Variants in ABLIM1 observed in about 807,000 individuals in gnomAD.
ABLIM1 encodes the protein actin-binding LIM protein 1.
In ABLIM1, 40 loss-of-function variants were observed where a neutral mutation model predicts 107.0. The observed-to-expected ratio is 0.37, with a 90% confidence interval of 0.29 to 0.49. The LOEUF is 0.49. ABLIM1 is among the 20% of genes least tolerant of loss of function. The pLI, the probability that ABLIM1 is intolerant of heterozygous loss-of-function variation, is 0.97. For synonymous variants in ABLIM1, 357 were observed against 357.3 expected (o/e 1.00, Z 0.01); for missense variants, 857 against 1,008.5 (o/e 0.85, Z 2.04).
Position 114,436,100 on chromosome 10 carries a change from C to T in ABLIM1, c.*160G>A, listed in dbSNP as rs893039457. 9 of 601,292 alleles carry T rather than the reference C, an allele frequency of 1.5e-5. No homozygotes were observed. Among genetic ancestry groups the T allele is most frequent in the Admixed American group, 1.2e-4 (4 of 33,602 alleles). 37.2% of individuals were successfully genotyped at this position (601,292 alleles called of 1,614,324 possible). On this transcript the variant is annotated 3_prime_UTR_variant, in exon 23 of 23. Transcript: ENST00000533213. ...TGGCAAGTGTTACTGTTGGCTGGCCCGACATTTGACTCATGGTGTTTTAAC... is the reference window on the plus strand; with the variant it reads ...TGGCAAGTGTTACTGTTGGCTGGCCTGACATTTGACTCATGGTGTTTTAAC...
intron 1 of ABLIM1, among the ~76,000 whole-genome samples, chr10:114,749,514 T>C (rs1450541554): frequency 6.7e-6 from 1 of 150,122 alleles, no homozygotes; most frequent in Non-Finnish European, 1.5e-5. Context: ...CCAAATACTA[T>C]ATAAATAAAC....
the ABLIM1 span, among the ~76,000 whole-genome samples, chr10:114,785,512 G>T: frequency 6.6e-6 from 1 of 152,136 alleles, no homozygotes; most frequent in Admixed American, 6.5e-5. Context: ...AAACAAATCT[G>T]TGATAAGAAT....
intron 1 of ABLIM1, among the ~76,000 whole-genome samples, chr10:114,708,012 G>A (rs1289730967): frequency 6.6e-6 from 1 of 152,134 alleles, no homozygotes; most frequent in Non-Finnish European, 1.5e-5. Flanking sequence ...GCCTGTCCTG[G>A]TGGCAGGTCT....
At chr10:114,588,190 G>A (rs549446833) in intron 2 of ABLIM1, among the ~76,000 whole-genome samples, 21 of 152,170 alleles carry the variant, frequency 1.4e-4, no homozygotes, top group African/African-American at 4.8e-4. Flanking sequence ...AAAATTGTAC[G>A]ATAGGGAGTT....
chr10:114,538,626 G>A (rs1396287565), intron 6 of ABLIM1, among the ~76,000 whole-genome samples: 1 of 152,186 alleles, frequency 6.6e-6, no homozygotes, highest in South Asian at 2.1e-4. Flanking sequence ...TTCTGGGTGC[G>A]GTGATGTGAG....
chr10:114,472,951 A>C (rs769309693), intron 10 of ABLIM1, 26 bp downstream of exon 10: 3 of 1,521,920 alleles, frequency 2.0e-6, no homozygotes, highest in Non-Finnish European at 2.7e-6. Flanking sequence ...TTGTTGTACA[A>C]CTCACAACCA....
At chr10:114,624,177 C>T (rs1377668328) in intron 1 of ABLIM1, among the ~76,000 whole-genome samples, 1 of 152,198 alleles carries the variant, frequency 6.6e-6, no homozygotes, top group Non-Finnish European at 1.5e-5. Context: ...AGAAATCCTG[C>T]ACCACTCACT....
At chr10:114,661,084 C>T (rs1395846133), upstream of ABLIM1, among the ~76,000 whole-genome samples, 5 of 152,012 alleles carry the variant, frequency 3.3e-5, no homozygotes, top group Non-Finnish European at 7.3e-5. Context: ...GTTCAAGATG[C>T]AACTGTCTTC....
chr10:114,446,640 TA>T (rs879826121), intron 15 of ABLIM1, among the ~76,000 whole-genome samples: 4,421 of 152,310 alleles, frequency 0.029, 225 homozygotes, highest in African/African-American at 0.1. Flanking sequence ...AGCTTTAAAC[TA>T]CTTAGTGATA....
At chr10:114,717,976 G>GAGAA (rs1248843196) in intron 1 of ABLIM1, among the ~76,000 whole-genome samples, 63 of 99,984 alleles carry the variant, frequency 6.3e-4, no homozygotes, top group Admixed American at 2.6e-3. Flanking sequence ...AGAAGGGAAA[G>GAGAA]AGAAAGAAAG....
At chr10:114,594,641 T>TA (rs1269591613) in intron 2 of ABLIM1, among the ~76,000 whole-genome samples, 4 of 152,102 alleles carry the variant, frequency 2.6e-5, no homozygotes, top group African/African-American at 9.7e-5. Context: ...TCCCAGCTAT[T>TA]AGGGAGGCTG....
At chr10:114,747,222 C>T (rs560419859) in intron 1 of ABLIM1, among the ~76,000 whole-genome samples, 1 of 152,242 alleles carries the variant, frequency 6.6e-6, no homozygotes, top group East Asian at 1.9e-4. Flanking sequence ...TTGACTTAAG[C>T]AAATATTCCA....
chr10:114,482,674 T>C (rs934126301), intron 8 of ABLIM1, among the ~76,000 whole-genome samples: 2 of 152,182 alleles, frequency 1.3e-5, no homozygotes, highest in Non-Finnish European at 2.9e-5. Context: ...GGAGCTAAAG[T>C]TGACTTCATT....
intron 1 of ABLIM1, among the ~76,000 whole-genome samples, chr10:114,622,093 C>T (rs2077500451): frequency 6.6e-6 from 1 of 152,176 alleles, no homozygotes; most frequent in Non-Finnish European, 1.5e-5. Flanking sequence ...CCACCTAGCT[C>T]ATGTGTCACT....
chr10:114,468,460 G>A (rs530411799), intron 10 of ABLIM1, among the ~76,000 whole-genome samples: 11 of 152,116 alleles, frequency 7.2e-5, no homozygotes, highest in Admixed American at 6.5e-4. Context: ...ATTTTTAGTA[G>A]AGATGGGGTT....
intron 12 of ABLIM1, among the ~76,000 whole-genome samples, chr10:114,464,284 C>G (rs1312191189): frequency 1.3e-5 from 2 of 150,786 alleles, no homozygotes; most frequent in African/African-American, 2.4e-5. Flanking sequence ...CTCCCAGGTT[C>G]CAGCAATTCT....
At chr10:114,774,763 G>A in the ABLIM1 span, among the ~76,000 whole-genome samples, 16 of 152,228 alleles carry the variant, frequency 1.1e-4, no homozygotes, top group Middle Eastern at 3.4e-3. Flanking sequence ...GTAGAGCAGA[G>A]CAGAGATGTT....
At chr10:114,581,207 C>G (rs2073330714) in intron 2 of ABLIM1, among the ~76,000 whole-genome samples, 1 of 152,060 alleles carries the variant, frequency 6.6e-6, no homozygotes, top group African/African-American at 2.4e-5. Context: ...AAAAAAGTAA[C>G]AGGAGCTGCC....
intron 1 of ABLIM1, among the ~76,000 whole-genome samples, chr10:114,626,686 C>A (rs543135109): frequency 1.3e-5 from 2 of 152,194 alleles, no homozygotes; most frequent in Non-Finnish European, 2.9e-5. Flanking sequence ...ATGGGTTGGA[C>A]TGCATCACCC....
Sources: allele counts gnomAD v4.1 joint callset (sites outside exome capture counted in the v4.1 genomes callset), GRCh38; gene constraint gnomAD v4.1.1; transcripts MANE v1.5; gene names NCBI Gene and HGNC (gene_info 2026-07-23, HGNC 2026-07-21).